Variants in GALNTL6 observed in about 807,000 individuals in gnomAD.
GALNTL6 encodes polypeptide N-acetylgalactosaminyltransferase like 6, also known as polypeptide N-acetylgalactosaminyltransferase-like 6.
In GALNTL6, 46 loss-of-function variants were observed where a neutral mutation model predicts 73.7. The ratio of observed to expected loss-of-function variants is 0.62; its 90% CI spans 0.49 to 0.80. The LOEUF (loss-of-function observed/expected upper bound fraction) is 0.80, where lower values mean the gene tolerates loss of function less well. Ranked by LOEUF, GALNTL6 falls within the 30% of genes least tolerant of loss-of-function variation. GALNTL6 has a pLI of 0.00. For synonymous variants in GALNTL6, 259 were observed against 263.7 expected, an observed-to-expected ratio of 0.98 and a Z score of 0.17; for missense variants, 604 against 755.0, an observed-to-expected ratio of 0.80 and a Z score of 2.34.
At chr4:172,638,434 C>T (rs1228053170) in intron 5 of GALNTL6, among the ~76,000 whole-genome samples, 1 of 152,116 alleles carries the variant, frequency 6.6e-6, no homozygotes, top group Non-Finnish European at 1.5e-5. Context: ...ATTCAAGCCT[C>T]ATTAGTTCCA....
intron 2 of GALNTL6, among the ~76,000 whole-genome samples, chr4:172,140,913 T>G (rs956745565): frequency 6.6e-6 from 1 of 152,026 alleles, no homozygotes; most frequent in Non-Finnish European, 1.5e-5. Context: ...ATGAATATTC[T>G]ATGTCATTAC....
intron 5 of GALNTL6, among the ~76,000 whole-genome samples, chr4:172,450,215 T>A (rs1363208522): frequency 7.0e-6 from 1 of 142,944 alleles, no homozygotes; most frequent in Non-Finnish European, 1.5e-5. Context: ...GAAACTCCAT[T>A]AAAAAAAAAA....
intron 7 of GALNTL6, among the ~76,000 whole-genome samples, chr4:172,866,777 C>T (rs528810105): frequency 1.6e-4 from 25 of 152,280 alleles, no homozygotes; most frequent in Middle Eastern, 3.4e-3. Context: ...TTCCCTCTCA[C>T]CCTTCAGGGC....
At chr4:172,416,550 A>G (rs1439296038) in intron 5 of GALNTL6, among the ~76,000 whole-genome samples, 1 of 152,216 alleles carries the variant, frequency 6.6e-6, no homozygotes, top group East Asian at 1.9e-4. Context: ...TTTCATAATA[A>G]TAACTAAAAT....
At chr4:172,038,453 T>C (rs1037277473) in intron 2 of GALNTL6, among the ~76,000 whole-genome samples, 2 of 152,216 alleles carry the variant, frequency 1.3e-5, no homozygotes, top group Non-Finnish European at 2.9e-5. Flanking sequence ...TCAGTTCTGA[T>C]ATATGTAAAT....
At chr4:171,870,013 G>C (rs1341007422) in intron 2 of GALNTL6, among the ~76,000 whole-genome samples, 1 of 152,152 alleles carries the variant, frequency 6.6e-6, no homozygotes, top group Non-Finnish European at 1.5e-5. Flanking sequence ...GCACTATCTG[G>C]TGAGGGAACA....
intron 7 of GALNTL6, among the ~76,000 whole-genome samples, chr4:172,825,107 T>C (rs941987566): frequency 1.3e-5 from 2 of 148,852 alleles, no homozygotes; most frequent in Admixed American, 6.7e-5. Context: ...TCTTTCTTTC[T>C]TTCTTTCTTT....
At chr4:171,936,888 C>T (rs1438543829) in intron 2 of GALNTL6, among the ~76,000 whole-genome samples, 1 of 152,096 alleles carries the variant, frequency 6.6e-6, no homozygotes, top group African/African-American at 2.4e-5. Flanking sequence ...ATAAAAGCCT[C>T]TATGATTACA....
intron 5 of GALNTL6, among the ~76,000 whole-genome samples, chr4:172,562,061 G>A (rs1041310537): frequency 5.9e-5 from 9 of 151,986 alleles, no homozygotes; most frequent in Admixed American, 5.9e-4. Flanking sequence ...TATTCATAGG[G>A]TGGGTATGAT....
intron 2 of GALNTL6, among the ~76,000 whole-genome samples, chr4:171,942,493 T>C (rs986605045): frequency 3.9e-5 from 6 of 152,138 alleles, no homozygotes; most frequent in African/African-American, 1.4e-4. Flanking sequence ...AATACAATAA[T>C]ACACAAAATA....
At chr4:172,398,611 A>C (rs59651020) in intron 5 of GALNTL6, among the ~76,000 whole-genome samples, 3,835 of 152,262 alleles carry the variant, frequency 0.025, 163 homozygotes, top group African/African-American at 0.087. Context: ...TGTATTCTTT[A>C]TTGCAGTAAG....
chr4:172,358,000 T>C (rs1742228907), intron 5 of GALNTL6, among the ~76,000 whole-genome samples: 1 of 152,214 alleles, frequency 6.6e-6, no homozygotes, highest in African/African-American at 2.4e-5. Context: ...GTTGAAACTC[T>C]GCTTCTTAGA....
chr4:172,233,450 T>C (rs1737141622), intron 3 of GALNTL6, among the ~76,000 whole-genome samples: 1 of 152,134 alleles, frequency 6.6e-6, no homozygotes, highest in Non-Finnish European at 1.5e-5. Context: ...TTTTACATAA[T>C]GTGAGGTAGG....
chr4:172,088,807 A>G (rs1482340007), intron 2 of GALNTL6, among the ~76,000 whole-genome samples: 1 of 152,202 alleles, frequency 6.6e-6, no homozygotes, highest in African/African-American at 2.4e-5. Context: ...CAGGTGATTC[A>G]GAGATAACAG....
intron 3 of GALNTL6, among the ~76,000 whole-genome samples, chr4:172,254,716 G>A (rs1738012706): frequency 6.6e-6 from 1 of 151,680 alleles, no homozygotes; most frequent in Admixed American, 6.6e-5. Context: ...ACATTTTAGA[G>A]TGTACTGGTT....
At chr4:171,978,440 T>C (rs1245283378) in intron 2 of GALNTL6, among the ~76,000 whole-genome samples, 2 of 152,130 alleles carry the variant, frequency 1.3e-5, no homozygotes, top group African/African-American at 4.8e-5. Context: ...GGGAGATATG[T>C]CCACTCTAAA....
intron 2 of GALNTL6, among the ~76,000 whole-genome samples, chr4:171,917,744 C>A (rs59670286): frequency 6.6e-6 from 1 of 152,056 alleles, no homozygotes; most frequent in African/African-American, 2.4e-5. Context: ...ATTTATTGAA[C>A]TTACAAATTA....
At chr4:172,825,639 G>C (rs748162125) in intron 7 of GALNTL6, among the ~76,000 whole-genome samples, 3 of 152,106 alleles carry the variant, frequency 2.0e-5, no homozygotes, top group Non-Finnish European at 4.4e-5. Context: ...TACACAAAGG[G>C]AGAAATTGAG....
chr4:172,795,424 T>G (rs1240690222), intron 5 of GALNTL6, among the ~76,000 whole-genome samples: 1 of 152,200 alleles, frequency 6.6e-6, no homozygotes. Flanking sequence ...TCAGCTCTCT[T>G]TCAAAAAAGA....
Sources: gnomAD v4.1 joint callset for allele counts (sites outside exome capture counted in the v4.1 genomes callset) on GRCh38, gnomAD v4.1.1 for gene constraint, MANE v1.5 for transcripts, NCBI Gene and HGNC (gene_info 2026-07-23, HGNC 2026-07-21) for gene names.